Variants in HMCN2 observed in about 807,000 individuals in gnomAD.
The protein encoded by HMCN2 is hemicentin-2.
HMCN2 carries 325 observed loss-of-function variants against 377.5 expected under a neutral mutation model. The observed-to-expected ratio is 0.86, with a 90% CI of 0.79 to 0.94. The LOEUF is 0.94. HMCN2 is among the 40% of genes least tolerant of loss of function. The pLI is 0.00. For synonymous variants in HMCN2, 2,007 were observed against 2,046.8 expected (o/e 0.98, Z 0.53); for missense variants, 4,543 against 4,725.3 (o/e 0.96, Z 1.13).
chr9:130,304,867 A>AT lies in HMCN2; in HGVS notation c.1681_1682insT (p.Thr561IlefsTer9). 1 of 471,062 alleles carries AT rather than the reference A, an allele frequency of 2.1e-6. No individual in the cohort carries two copies. The highest frequency in any genetic ancestry group is 3.2e-4 in the Middle Eastern group (1 of 3,078). The allele number at this position is 471,062 out of a possible 1,614,324, so 29.2% of individuals were successfully genotyped here. ...GGACTGGCGAGTCCTGCCGGCCTCGACGGGCCGAGTTGCCCAGCTGGCTGA... is the reference window on the plus strand; with the variant it reads ...GGACTGGCGAGTCCTGCCGGCCTCGATCGGGCCGAGTTGCCCAGCTGGCTGA... On this transcript the variant is annotated frameshift_variant, in exon 11 of 98. Transcript: ENST00000683500. LOFTEE classifies it high-confidence loss of function. This position sits in a 1 kb window ranked among gnomAD's most constrained non-coding sequence, Gnocchi z 4.3.
At chr9:130,285,345 G>A (rs372250256) in intron 3 of HMCN2, 29 bp downstream of exon 3, 1 of 469,932 alleles carries the variant, frequency 2.1e-6, no homozygotes, top group Non-Finnish European at 4.4e-6. Flanking sequence ...GGGGCCCAAA[G>A]TGGGGTCCCC....
At chr9:130,355,884 G>C (rs774492343) in intron 33 of HMCN2, 30 bp downstream of exon 33, 1 of 1,225,296 alleles carries the variant, frequency 8.2e-7, no homozygotes, top group South Asian at 1.3e-5. Flanking sequence ...GGCCAGGGCT[G>C]GGGGTAGGCA....
chr9:130,329,599 T>C (rs1189953477), intron 22 of HMCN2, among the ~76,000 whole-genome samples: 1 of 152,148 alleles, frequency 6.6e-6, no homozygotes, highest in Admixed American at 6.5e-5. Context: ...CCTGCCATCA[T>C]GCCCAGCTAA....
In HMCN2 at chr9:130,351,577, G is replaced by A. The variant is rs1396210903; in HGVS notation, c.4585G>A (p.Ala1529Thr). The change falls in exon 30 of 98, where the codon GCG (alanine) becomes ACG (threonine). Residue 1529 changes from alanine to threonine, a missense_variant and splice_region_variant. Transcript: ENST00000683500. This position sits in a 1 kb window ranked among gnomAD's most constrained non-coding sequence, Gnocchi z 5.4. Reference sequence around the variant, plus strand: ...CAGGGACTTCCAGCTCCGAGTTCATGGTGAGCCCCCACGCCTTCTGGGACC... The same window carrying A: ...CAGGGACTTCCAGCTCCGAGTTCATAGTGAGCCCCCACGCCTTCTGGGACC... ...QARDFQLRVHAPPTIWGSNET... is the reference protein window; with the variant it reads ...QARDFQLRVHTPPTIWGSNET... 3 of 1,301,838 alleles carry A rather than the reference G, an allele frequency of 2.3e-6. No individual in the cohort carries two copies. Among genetic ancestry groups the A allele is most frequent in the South Asian group, 1.2e-5 (1 of 80,800 alleles). 80.6% of individuals were successfully genotyped at this position (1,301,838 alleles called of 1,614,324 possible).
At position 130,386,189 on chromosome 9, in the gene HMCN2, G is replaced by T. The variant is rs536468803; in HGVS notation, c.9310-254G>T. 3.3e-5 allele frequency among the ~76,000 whole-genome samples: 5 copies of T among 152,286 alleles called. No homozygotes were observed. The East Asian group carries it at 9.7e-4, about 29-fold the overall frequency. On this transcript the variant is annotated intron_variant, in intron 60 of 97. Coordinates refer to ENST00000683500, the MANE Select transcript of HMCN2 (RefSeq NM_001291815.2). ...CAGGCTCCATCCCCACAGCAAGGGG[G>T]ACCTCTTCCTGCCAGCTTGGCCCAG...
intron 86 of HMCN2, among the ~76,000 whole-genome samples, chr9:130,420,011 A>C (rs1224126202): frequency 6.7e-6 from 1 of 148,988 alleles, no homozygotes; most frequent in Non-Finnish European, 1.5e-5. Flanking sequence ...GCAGTCTCAG[A>C]GTTAGCCTTG....
chr9:130,394,139 A>G lies in HMCN2; in HGVS notation c.10501+131A>G. On this transcript the variant is annotated intron_variant, in intron 68 of 97. Coordinates refer to ENST00000683500, the MANE Select transcript of HMCN2 (RefSeq NM_001291815.2). The surrounding 1 kb of genome is among the most constrained non-coding windows in gnomAD (Gnocchi z 5.1). ...GGACTGCCACCTGGGAGCAGAACTC[A>G]GGGAACTTGGTTCTGGCTGGGATGC... 1 of 923,662 alleles carries G rather than the reference A, an allele frequency of 1.1e-6. No homozygotes were observed. The highest frequency in any genetic ancestry group is 1.4e-6 in the Non-Finnish European group (1 of 701,342). 57.2% of individuals were successfully genotyped at this position (923,662 alleles called of 1,614,324 possible). A position where few individuals can be genotyped will look rare whatever the true frequency, so the allele number is the denominator to read the frequency against.
rs879226433 is a variant in HMCN2, at chr9:130,425,934, C to T, written c.13879+10C>T. 5.8e-6 allele frequency: 9 copies of T among 1,539,896 alleles called. No homozygotes were observed. Among genetic ancestry groups the T allele is most frequent in the South Asian group, 4.8e-5 (4 of 83,744 alleles). On this transcript the variant is annotated intron_variant, in intron 90 of 97. Coordinates refer to ENST00000683500, the MANE Select transcript of HMCN2 (RefSeq NM_001291815.2). ...ACAGCCCTGCAGGCGGGTGAGGCCC[C>T]TCTGCTTTGTTCCACCCCCACTGCC... is the stretch of plus-strand genomic sequence containing the variant.
intron 1 of HMCN2, among the ~76,000 whole-genome samples, chr9:130,266,908 C>T (rs10988664): frequency 0.32 from 48,531 of 151,976 alleles, 8,344 homozygotes; most frequent in East Asian, 0.69. Context: ...GCTGAGTGAG[C>T]TGCAGGTTCC....
chr9:130,372,855 T>C (rs34086431), intron 47 of HMCN2, among the ~76,000 whole-genome samples, 183 bp from the exon 48 acceptor site: 36,734 of 152,144 alleles, frequency 0.24, 5,326 homozygotes, highest in Non-Finnish European at 0.32. Context: ...ACACTGGTAC[T>C]TCCATCAGGC....
Position 130,427,527 on chromosome 9 carries a change from C to G in HMCN2, c.13973C>G (p.Pro4658Arg). 1 of 1,550,520 alleles carries G rather than the reference C, an allele frequency of 6.4e-7. No individual in the cohort carries two copies. The highest frequency in any genetic ancestry group is 8.7e-7 in the Non-Finnish European group (1 of 1,146,976). The change falls in exon 92 of 98, where the codon CCC becomes CGC. Residue 4658 changes from proline to arginine, a missense_variant. By Grantham distance (103) the Pro-to-Arg change is moderately radical (BLOSUM62 -2). This residue lies in a region of HMCN2 where 1,155 missense variants were observed against 1,157.7 expected (regional missense o/e 1.00). Coordinates refer to ENST00000683500, the MANE Select transcript of HMCN2 (RefSeq NM_001291815.2). The part of the protein sequence containing the change: ...DRDECSGGPS[P>R]CSHACLNAPG... ...GACGAGTGCTCAGGAGGCCCTAGCC[C>G]CTGCTCCCATGCCTGCCTTAATGCA...
intron 85 of HMCN2, among the ~76,000 whole-genome samples, chr9:130,412,534 G>A (rs1308257403): frequency 1.0e-4 from 15 of 147,698 alleles, no homozygotes; most frequent in Non-Finnish European, 1.5e-4. Context: ...ATCTAAGGTC[G>A]TCTTTTTCTT....
intron 28 of HMCN2, 83 bp from the exon 29 acceptor site, chr9:130,349,454 G>T: frequency 1.8e-5 from 22 of 1,256,572 alleles, no homozygotes; most frequent in South Asian, 6.9e-5. Context: ...AGGCTGGGGG[G>T]TCTGCACAGA....
intron 86 of HMCN2, among the ~76,000 whole-genome samples, chr9:130,420,990 A>G (rs909634557): frequency 2.6e-5 from 4 of 152,210 alleles, no homozygotes; most frequent in Admixed American, 2.6e-4. Context: ...GTGAAGAAGA[A>G]GGTAATTCTC....
chr9:130,409,003 A>C, intron 84 of HMCN2, 70 bp downstream of exon 84: 1 of 1,101,494 alleles, frequency 9.1e-7, no homozygotes, highest in Non-Finnish European at 1.2e-6. Flanking sequence ...ATTGTTCAAG[A>C]GGGTTCTTCC....
chr9:130,289,340 T>G (rs1588178594), intron 4 of HMCN2, among the ~76,000 whole-genome samples: 1 of 149,198 alleles, frequency 6.7e-6, no homozygotes. Flanking sequence ...GGGCGGAAGA[T>G]GGGGGGGTGA....
At chr9:130,382,976 A>C (rs1588358177) in intron 56 of HMCN2, 110 bp downstream of exon 56, 3 of 649,378 alleles carry the variant, frequency 4.6e-6, no homozygotes, top group Non-Finnish European at 5.7e-6. Flanking sequence ...CTTTGCTGGG[A>C]ACCATGCTGG....
Position 130,425,906 on chromosome 9 carries a change from G to A in HMCN2, c.13861G>A (p.Ala4621Thr), listed in dbSNP as rs759325422. Reference sequence around the variant, plus strand: ...GGCCGAGGCCCTGCGCTTCCAGCTCGCTACAGCCCTGCAGGCGGGTGAGGC... The same window carrying A: ...GGCCGAGGCCCTGCGCTTCCAGCTCACTACAGCCCTGCAGGCGGGTGAGGC... ...PEAEALRFQL[A>T]TALQAEENEV... The change falls in exon 90 of 98, where the codon GCT becomes ACT. Residue 4621 changes from alanine to threonine, a missense_variant. By Grantham distance (58) the Ala-to-Thr change is moderately conservative. This residue lies in a region of HMCN2 where 1,155 missense variants were observed against 1,157.7 expected (regional missense o/e 1.00). Coordinates refer to ENST00000683500, the MANE Select transcript of HMCN2 (RefSeq NM_001291815.2). 7.1e-6 allele frequency: 11 copies of A among 1,548,648 alleles called. No homozygotes were observed. The highest frequency in any genetic ancestry group is 3.9e-5 in the Admixed American group (2 of 50,968).
intron 82 of HMCN2, chr9:130,407,252 G>GAAAA: frequency 6.3e-6 from 1 of 159,584 alleles, no homozygotes; most frequent in Non-Finnish European, 1.3e-5. Flanking sequence ...CTGTCTCAAA[G>GAAAA]AAAAAAAAAA....
Sources: allele counts gnomAD v4.1 joint callset (sites outside exome capture counted in the v4.1 genomes callset), GRCh38; gene constraint gnomAD v4.1.1; regional missense constraint gnomAD v4.1.1; non-coding constraint Gnocchi (gnomAD v3.1); transcripts MANE v1.5; gene names NCBI Gene and HGNC (gene_info 2026-07-23, HGNC 2026-07-21).